The following ZCCHC2 variants were observed in gnomAD, a reference collection of about 807,000 sequenced individuals.
ZCCHC2 encodes the protein zinc finger CCHC domain-containing protein 2.
In ZCCHC2, 39 loss-of-function variants were observed where a neutral mutation model predicts 103.6. That is an observed-to-expected ratio of 0.38 (90% CI 0.29 to 0.49). The LOEUF is 0.49. ZCCHC2 is among the 20% of genes least tolerant of loss of function. The probability of loss-of-function intolerance (pLI) is 0.96; values close to 1 mark genes in which losing one functional copy is unlikely to be tolerated. For synonymous variants in ZCCHC2, 687 were observed against 608.9 expected (o/e 1.13, Z -1.89); for missense variants, 1,483 against 1,491.0 (o/e 0.99, Z 0.09).
chr18:62,524,489 G>A (rs1252003920), intron 1 of ZCCHC2, 126 bp downstream of exon 1: 11 of 1,361,554 alleles, frequency 8.1e-6, no homozygotes, highest in Non-Finnish European at 9.5e-6. Flanking sequence ...ATCCCCACCC[G>A]GCAGCTCCCA....
At chr18:62,548,266 T>A (rs576658680) in intron 4 of ZCCHC2, among the ~76,000 whole-genome samples, 31 of 152,282 alleles carry the variant, frequency 2.0e-4, no homozygotes, top group African/African-American at 6.5e-4. Context: ...ATATATATTT[T>A]TTTTAGCAAA....
At chr18:62,562,049 TGCAGTGGC>T (rs1916138996) in intron 8 of ZCCHC2, among the ~76,000 whole-genome samples, 1 of 152,140 alleles carries the variant, frequency 6.6e-6, no homozygotes, top group Admixed American at 6.5e-5. Flanking sequence ...CAGGCTGGAG[TGCAGTGGC>T]GCAGTCTCAG....
Position 62,524,317 on chromosome 18 carries a change from C to T in ZCCHC2, c.893C>T (p.Ala298Val). 1 of 1,547,956 alleles carries T rather than the reference C, an allele frequency of 6.5e-7. No individual in the cohort carries two copies. Among genetic ancestry groups the T allele is most frequent in the Non-Finnish European group, 8.7e-7 (1 of 1,146,114 alleles). Residue 298 changes from alanine to valine, a missense_variant, in exon 1 of 14, where the codon GCG becomes GTG. Physicochemically the swap from Ala to Val is moderately conservative, Grantham distance 64. Coordinates refer to ENST00000269499, the MANE Select transcript of ZCCHC2 (RefSeq NM_017742.6). ...RAALRGGPED[A>V]EVEVEPCKFA... ...GCGCTCCGCGGGGGCCCCGAGGACG[C>T]GGAGGTGGAGGTAGAGCCGTGCAAG...
Position 62,558,691 on chromosome 18 carries a change from C to G in ZCCHC2, c.1413C>G (p.Asn471Lys). 6.6e-7 allele frequency: 1 copy of G among 1,519,132 alleles called. No individual in the cohort carries two copies. Among genetic ancestry groups the G allele is most frequent in the East Asian group, 2.5e-5 (1 of 39,930 alleles). 94.1% of individuals were successfully genotyped at this position (1,519,132 alleles called of 1,614,324 possible). ...AGTATTGAATGCTTCCTGCAGATAA[C>G]TTACAATCCTCTCTGAAGACTTCTA... ...ISSDSLHSIN[N>K]LQSSLKTSKI... is the part of the protein sequence containing the mutation. The change falls in exon 7 of 14, where the codon AAC (asparagine) becomes AAG (lysine). Residue 471 changes from asparagine (N) to lysine (K), a missense_variant. By Grantham distance (94) the Asn-to-Lys change is moderately conservative. Transcript: ENST00000269499.
In ZCCHC2 at chr18:62,523,423, G is replaced by A. The variant is rs1485214452; in HGVS notation, c.-2G>A. ...CGCATGTCTGCGCCGCCCTAGCCGA[G>A]GATGCTGAGGATGAAGCTGCCGCTG... On this transcript the variant is annotated 5_prime_UTR_variant, in exon 1 of 14. Coordinates refer to ENST00000269499, the MANE Select transcript of ZCCHC2 (RefSeq NM_017742.6). The A allele has an allele frequency of 5.6e-6, 6 of 1,070,706 alleles. No homozygotes were observed. The highest frequency in any genetic ancestry group is 6.9e-6 in the Non-Finnish European group (6 of 874,850). 66.3% of individuals were successfully genotyped at this position (1,070,706 alleles called of 1,614,324 possible). A position where few individuals can be genotyped will look rare whatever the true frequency, so the allele number is the denominator to read the frequency against.
chr18:62,542,018 G>GT (rs1555785978), intron 2 of ZCCHC2, among the ~76,000 whole-genome samples: 2 of 151,834 alleles, frequency 1.3e-5, no homozygotes, highest in Non-Finnish European at 1.5e-5. Context: ...CCTCAGCTTG[G>GT]TATATTACTT....
rs1354006120 is a variant in ZCCHC2, at chr18:62,523,999, A to G, written c.575A>G (p.His192Arg). Residue 192 changes from histidine (H) to arginine (R), a missense_variant, in exon 1 of 14, where the codon CAC becomes CGC. Coordinates refer to ENST00000269499, the MANE Select transcript of ZCCHC2 (RefSeq NM_017742.6). ...SENREAAGRLHRLLPQVDSVL... is the reference protein window; with the variant it reads ...SENREAAGRLRRLLPQVDSVL... ...AACCGGGAGGCCGCTGGCCGTCTGC[A>G]CCGCCTGCTACCCCAGGTGGACTCG... 9 of 1,485,274 alleles carry G rather than the reference A, an allele frequency of 6.1e-6. No individual in the cohort carries two copies. The highest frequency in any genetic ancestry group is 2.3e-5 in the Admixed American group (1 of 42,934). 92.0% of individuals were successfully genotyped at this position (1,485,274 alleles called of 1,614,324 possible). A position where few individuals can be genotyped will look rare whatever the true frequency, so the allele number is the denominator to read the frequency against.
exon 15 of ZCCHC2, chr18:62,586,189 A>G (rs1412336799): frequency 6.6e-6 from 1 of 151,080 alleles, no homozygotes; most frequent in South Asian, 2.1e-4. Context: ...AGTTCCTTTC[A>G]GTTCTAAAAT....
intron 7 of ZCCHC2, 103 bp from the exon 8 acceptor site, chr18:62,560,484 A>C (rs1916068510): frequency 1.1e-6 from 1 of 881,006 alleles, no homozygotes; most frequent in South Asian, 1.7e-5. Context: ...AGTGCTTCAT[A>C]CCATCTGTCA....
intron 8 of ZCCHC2, 95 bp from the exon 9 acceptor site, chr18:62,562,913 AT>A: frequency 7.2e-7 from 1 of 1,388,578 alleles, no homozygotes; most frequent in Non-Finnish European, 9.8e-7. Context: ...AGAAACTAAT[AT>A]ATTGAAGAAA....
intron 9 of ZCCHC2, 96 bp downstream of exon 9, chr18:62,563,240 T>C: frequency 7.1e-7 from 1 of 1,415,976 alleles, no homozygotes; most frequent in Non-Finnish European, 9.6e-7. Flanking sequence ...AGACAGTATA[T>C]CTGGTAAGAA....
intron 7 of ZCCHC2, chr18:62,560,320 T>G: frequency 3.2e-6 from 1 of 309,618 alleles, no homozygotes; most frequent in Non-Finnish European, 5.9e-6. Flanking sequence ...GTTTTAGTTT[T>G]GTAGGGACAT....
chr18:62,557,836 A>G (rs1915960078), intron 6 of ZCCHC2, among the ~76,000 whole-genome samples: 1 of 152,246 alleles, frequency 6.6e-6, no homozygotes, highest in Non-Finnish European at 1.5e-5. Flanking sequence ...GGCAGTATTT[A>G]AATTACATGA....
At chr18:62,561,397 C>G (rs1412714178) in intron 8 of ZCCHC2, among the ~76,000 whole-genome samples, 1 of 152,216 alleles carries the variant, frequency 6.6e-6, no homozygotes, top group Non-Finnish European at 1.5e-5. Flanking sequence ...TCCTGCAGAT[C>G]CCATAAAACC....
chr18:62,527,114 C>G (rs1156308317), intron 1 of ZCCHC2: 1 of 146,664 alleles, frequency 6.8e-6, no homozygotes, highest in Non-Finnish European at 1.5e-5. Context: ...CTTTGGTGTG[C>G]CAAACGACGT....
chr18:62,585,534 G>A (rs983126873), exon 15 of ZCCHC2: 1 of 152,118 alleles, frequency 6.6e-6, no homozygotes. Context: ...ATTCCTGCTA[G>A]CCTATTGGAG....
At chr18:62,556,389 T>G in intron 6 of ZCCHC2, 92 bp downstream of exon 6, 2 of 1,043,622 alleles carry the variant, frequency 1.9e-6, no homozygotes, top group South Asian at 3.3e-5. Context: ...GTCACTTTAG[T>G]TAAAGTTAAG....
chr18:62,523,558 C>CGCT lies in ZCCHC2; in HGVS notation c.136_137insTGC (p.Pro45_Pro46insLeu). The CGCT allele has an allele frequency of 1.0e-6, 1 of 954,130 alleles. No individual in the cohort carries two copies. Among genetic ancestry groups the CGCT allele is most frequent in the Non-Finnish European group, 1.2e-6 (1 of 805,410 alleles). The allele number at this position is 954,130 out of a possible 1,614,324, so 59.1% of individuals were successfully genotyped here. On this transcript the variant is annotated inframe_insertion, in exon 1 of 14. Coordinates refer to ENST00000269499, the MANE Select transcript of ZCCHC2 (RefSeq NM_017742.6). ...CGCCGCCGCGACTGCCGCCCCCCGC[C>CGCT]GCCGCCGCCGCCGCCCGCGGGCCCG...
intron 1 of ZCCHC2, chr18:62,524,670 G>A (rs985585458): frequency 7.6e-6 from 3 of 397,036 alleles, no homozygotes; most frequent in East Asian, 8.2e-5. Flanking sequence ...GCCCCTCTCG[G>A]AGGAAAAGTG....
Sources: allele counts gnomAD v4.1 joint callset (sites outside exome capture counted in the v4.1 genomes callset), GRCh38; gene constraint gnomAD v4.1.1; transcripts MANE v1.5; gene names NCBI Gene and HGNC (gene_info 2026-07-23, HGNC 2026-07-21).